Variants in IL17RA observed in about 807,000 individuals in gnomAD.
IL17RA encodes the protein interleukin-17 receptor A.
In IL17RA, 34 loss-of-function variants were observed where a neutral mutation model predicts 50.4. The observed-to-expected ratio is 0.67, with a 90% CI of 0.51 to 0.90. The LOEUF (loss-of-function observed/expected upper bound fraction) is 0.90. Among genes scored for constraint, IL17RA ranks in the 40% least tolerant of loss-of-function variants. The probability of loss-of-function intolerance (pLI) is 0.00; values close to 1 mark genes in which losing one functional copy is unlikely to be tolerated. For missense variants in IL17RA, 1,276 were observed against 1,169.8 expected (o/e 1.09, Z -1.32); for synonymous variants, 585 against 510.4 (o/e 1.15, Z -1.97).
chr22:17,098,712 C>T (rs879865616), intron 3 of IL17RA, 63 bp from the exon 4 acceptor site: 7 of 1,316,944 alleles, frequency 5.3e-6, no homozygotes, highest in Middle Eastern at 2.2e-4. Context: ...AGGGAAGTGA[C>T]ACACCCAGCA....
At chr22:17,089,623 A>G (rs535618903) in intron 1 of IL17RA, among the ~76,000 whole-genome samples, 6 of 152,306 alleles carry the variant, frequency 3.9e-5, no homozygotes, top group African/African-American at 9.6e-5. Flanking sequence ...CTGTAATCCT[A>G]GCATTTTGGG....
At position 17,097,901 on chromosome 22, in the gene IL17RA, C is replaced by T. The variant is rs752845204; in HGVS notation, c.268C>T (p.Leu90=). 9.3e-6 allele frequency: 15 copies of T among 1,614,212 alleles called. No homozygotes were observed. In the South Asian group the frequency reaches 1.6e-4, roughly 18 times the overall value. The change falls in exon 3 of 13, where the codon CTG becomes TTG. Residue 90 remains leucine, a synonymous_variant. Coordinates refer to ENST00000319363, the MANE Select transcript of IL17RA (RefSeq NM_014339.7). ...CTTTGCCCACACCCAACAAGGAGAC[C>T]TGTTCCCCGTGGCTCACATCGAATG... The part of the protein sequence containing the change: ...LHFAHTQQGD[L]FPVAHIEWTL...
chr22:17,087,205 CA>C (rs1339415593), intron 1 of IL17RA, among the ~76,000 whole-genome samples: 1 of 152,212 alleles, frequency 6.6e-6, no homozygotes, highest in African/African-American at 2.4e-5. Context: ...TTAGTGGATG[CA>C]ATGTGGTATA....
At chr22:17,105,096 C>T (rs1254673394) in intron 9 of IL17RA, among the ~76,000 whole-genome samples, 1 of 152,148 alleles carries the variant, frequency 6.6e-6, no homozygotes, top group East Asian at 1.9e-4. Flanking sequence ...ATCCTAGAGC[C>T]CTAGTTCTGT....
chr22:17,105,121 G>A (rs935573622), intron 9 of IL17RA, among the ~76,000 whole-genome samples: 5 of 152,176 alleles, frequency 3.3e-5, no homozygotes, highest in Non-Finnish European at 5.9e-5. Context: ...TGCACTGAGC[G>A]CAGTGCTCCA....
In IL17RA at chr22:17,105,170, C is replaced by A. The variant is rs2061409039; in HGVS notation, c.931+360C>A. 2.0e-5 allele frequency among the ~76,000 whole-genome samples: 3 copies of A among 152,302 alleles called. No homozygotes were observed. In the South Asian group the frequency reaches 6.2e-4, roughly 32 times the overall value. On this transcript the variant is annotated intron_variant, in intron 9 of 12. Coordinates refer to ENST00000319363, the MANE Select transcript of IL17RA (RefSeq NM_014339.7). ...TTTTTCATCCTCACTCATTGTGAGTCACGGTACTATGCAGTAGAGGATCCC... is the reference window on the plus strand; with the variant it reads ...TTTTTCATCCTCACTCATTGTGAGTAACGGTACTATGCAGTAGAGGATCCC...
chr22:17,089,120 A>G (rs371617167), intron 1 of IL17RA, among the ~76,000 whole-genome samples: 7 of 151,904 alleles, frequency 4.6e-5, no homozygotes, highest in South Asian at 2.1e-4. Context: ...TTTAGTAGAG[A>G]CAGGGTTTCA....
intron 1 of IL17RA, 106 bp from the exon 2 acceptor site, chr22:17,096,956 C>A: frequency 1.0e-6 from 1 of 968,220 alleles, no homozygotes; most frequent in African/African-American, 1.6e-5. Flanking sequence ...GAAGGGCAGG[C>A]TGTGTAGATG....
chr22:17,094,718 T>TATATATATATA (rs1228649948), intron 1 of IL17RA, among the ~76,000 whole-genome samples: 37 of 116,244 alleles, frequency 3.2e-4, no homozygotes, highest in African/African-American at 8.8e-4. Context: ...TATATATATA[T>TATATATATATA]TCAGGGAGAT....
rs537206064 is a variant in IL17RA, at chr22:17,085,069, C to A, written c.-23C>A. On this transcript the variant is annotated 5_prime_UTR_variant, in exon 1 of 13. Transcript: ENST00000319363. The stretch of plus-strand genomic sequence containing the variant: ...CGCTGCGTCCCCAGCCGGGGCCGAG[C>A]CCTCCGCGACGCCAGCCGGGCCATG... 527 of 1,296,338 alleles carry A rather than the reference C, an allele frequency of 4.1e-4. 1 individual carries two copies. Among genetic ancestry groups the A allele is most frequent in the Non-Finnish European group, 4.9e-4 (498 of 1,021,772 alleles). The allele number at this position is 1,296,338 out of a possible 1,614,324, so 80.3% of individuals were successfully genotyped here. A position where few individuals can be genotyped will look rare whatever the true frequency, so the allele number is the denominator to read the frequency against.
intron 10 of IL17RA, 121 bp downstream of exon 10, chr22:17,105,723 G>GGC (rs1555874495): frequency 1.5e-6 from 2 of 1,377,580 alleles, no homozygotes; most frequent in African/African-American, 3.0e-5. Context: ...CCCGGGGTGG[G>GGC]GGGTGAGACC....
chr22:17,091,633 G>A (rs1216396884), intron 1 of IL17RA, among the ~76,000 whole-genome samples: 6 of 151,580 alleles, frequency 4.0e-5, no homozygotes, highest in South Asian at 4.2e-4. Context: ...AGCTGAGATC[G>A]CACCACTGCA....
chr22:17,105,298 A>G (rs1224216201), intron 9 of IL17RA, among the ~76,000 whole-genome samples: 2 of 152,196 alleles, frequency 1.3e-5, no homozygotes, highest in Non-Finnish European at 2.9e-5. Context: ...CAAAAGTCGC[A>G]TGCCCTAATG....
Position 17,114,902 on chromosome 22 carries a change from A to C in IL17RA, c.*5082A>C, listed in dbSNP as rs1347196625. ...ACCTCCTCTTTCTCGGCCTCAGGAA[A>C]ATGGAGAGAAAGCAGCCCTGAAGGT... On this transcript the variant is annotated 3_prime_UTR_variant, in exon 13 of 13. Transcript: ENST00000319363. 1 of 152,214 alleles carries C rather than the reference A, an allele frequency of 6.6e-6. No individual in the cohort carries two copies. The highest frequency in any genetic ancestry group is 1.9e-4 in the East Asian group (1 of 5,198). The allele number at this position is 152,214 out of a possible 1,614,324, so 9.4% of individuals were successfully genotyped here.
In IL17RA at chr22:17,109,204, C is replaced by T. The variant is rs1264790183; in HGVS notation, c.1985C>T (p.Pro662Leu). 10 of 1,507,488 alleles carry T rather than the reference C, an allele frequency of 6.6e-6. No homozygotes were observed. Among genetic ancestry groups the T allele is most frequent in the South Asian group, 1.3e-5 (1 of 78,696 alleles). 93.4% of individuals were successfully genotyped at this position (1,507,488 alleles called of 1,614,324 possible). A position where few individuals can be genotyped will look rare whatever the true frequency, so the allele number is the denominator to read the frequency against. ...PHLQPRGQPA[P>L]QPLHTLVLAA... ...CTGCAGCCCCGGGGTCAGCCAGCGC[C>T]GCAGCCCCTCCACACCCTGGTGCTC... The change falls in exon 13 of 13, where the codon CCG becomes CTG. Residue 662 changes from proline to leucine, a missense_variant. Transcript: ENST00000319363.
chr22:17,109,367 C>A lies in IL17RA; in HGVS notation c.2148C>A (p.Val716=), dbSNP rs760563850. Residue 716 remains valine (V), a synonymous_variant, in exon 13 of 13, where the codon GTC becomes GTA. Transcript: ENST00000319363. ...LGSPGAGRNS[V]LFLPVDPEDS... The stretch of plus-strand genomic sequence containing the variant: ...GCCCGGGCGCTGGGCGAAATAGCGT[C>A]CTCTTCCTCCCCGTGGACCCCGAGG... 1.2e-6 allele frequency: 2 copies of A among 1,609,510 alleles called. No homozygotes were observed. The highest frequency in any genetic ancestry group is 1.3e-5 in the African/African-American group (1 of 74,890).
intron 1 of IL17RA, among the ~76,000 whole-genome samples, chr22:17,088,989 T>TTTC (rs2061338406): frequency 6.6e-6 from 1 of 151,656 alleles, no homozygotes; most frequent in South Asian, 2.1e-4. Flanking sequence ...AGAGTCGGGG[T>TTTC]TTCACCATGT....
intron 1 of IL17RA, among the ~76,000 whole-genome samples, chr22:17,095,015 A>AT (rs905534287): frequency 2.0e-5 from 3 of 151,656 alleles, no homozygotes; most frequent in Non-Finnish European, 2.9e-5. Context: ...AAAGCTGTCC[A>AT]TTTTTTTTAA....
rs1316327951 is a variant in IL17RA at position 17,109,114 on chromosome 22, G to A, written c.1895G>A (p.Cys632Tyr). ...PLVREPGSQA[C>Y]LAIDPLVGEE... ...GTGCGCGAGCCTGGCTCCCAGGCCTGCCTGGCCATAGACCCGCTGGTCGGG... is the reference window on the plus strand; with the variant it reads ...GTGCGCGAGCCTGGCTCCCAGGCCTACCTGGCCATAGACCCGCTGGTCGGG... Residue 632 changes from cysteine to tyrosine, a missense_variant, in exon 13 of 13, where the codon TGC (cysteine) becomes TAC (tyrosine). Transcript: ENST00000319363. 1.9e-6 allele frequency: 3 copies of A among 1,554,312 alleles called. No homozygotes were observed. The highest frequency in any genetic ancestry group is 2.6e-6 in the Non-Finnish European group (3 of 1,157,814).
Sources: allele counts gnomAD v4.1 joint callset (sites outside exome capture counted in the v4.1 genomes callset), GRCh38; gene constraint gnomAD v4.1.1; transcripts MANE v1.5; gene names NCBI Gene and HGNC (gene_info 2026-07-23, HGNC 2026-07-21).